Variants in TP53BP1 observed in about 807,000 individuals in gnomAD.
TP53BP1 encodes the protein TP53-binding protein 1.
TP53BP1 carries 61 observed loss-of-function variants against 200.8 expected under a neutral mutation model. The ratio of observed to expected loss-of-function variants is 0.30; its 90% CI spans 0.25 to 0.38. The LOEUF is 0.38. Ranked by LOEUF, TP53BP1 falls within the 10% of genes least tolerant of loss-of-function variation. TP53BP1 has a pLI of 1.00. For missense variants in TP53BP1, 2,144 were observed against 2,371.9 expected (o/e 0.90, Z 2.00); for synonymous variants, 822 against 844.3 (o/e 0.97, Z 0.46).
intron 4 of TP53BP1, among the ~76,000 whole-genome samples, chr15:43,490,598 C>T (rs1006711399): frequency 6.6e-6 from 1 of 152,182 alleles, no homozygotes; most frequent in East Asian, 1.9e-4. Context: ...CTAACCACCT[C>T]CCCTTTCTAC....
In TP53BP1 at chr15:43,415,066, A is replaced by G. The variant is rs533546991; in HGVS notation, c.5089+528T>C. On this transcript the variant is annotated intron_variant, in intron 23 of 27. Transcript: ENST00000382044. ...GCCTAAGCACAAGAGAGAGGGGAGC[A>G]GAATTTCCAGGAAGAAGATGGTGCA... Among the ~76,000 whole-genome samples the G allele has an allele frequency of 6.0e-4, 92 of 152,294 alleles. 1 individual carries two copies. Among genetic ancestry groups the G allele is most frequent in the Non-Finnish European group, 9.1e-4 (62 of 68,014 alleles).
chr15:43,451,657 G>GT (rs1282235222), intron 12 of TP53BP1, among the ~76,000 whole-genome samples: 1 of 152,168 alleles, frequency 6.6e-6, no homozygotes, highest in African/African-American at 2.4e-5. Flanking sequence ...GTCTGCATGT[G>GT]TTTTTATAGC....
At chr15:43,509,841 C>T (rs548783704) in intron 1 of TP53BP1, among the ~76,000 whole-genome samples, 1 of 151,530 alleles carries the variant, frequency 6.6e-6, no homozygotes, top group Non-Finnish European at 1.5e-5. Context: ...CAAAAAAAAA[C>T]CCAAAAACCC....
rs773592523 is a variant in TP53BP1 at position 43,427,966 on chromosome 15, A to G, written c.3828+50T>C. The stretch of plus-strand genomic sequence containing the variant: ...AGTAAGACCCTGTCTCCAAAAAAAA[A>G]AAAAAAAGAAAGAAAGAAATTTGCC... On this transcript the variant is annotated intron_variant, in intron 18 of 27. Coordinates refer to ENST00000382044, the MANE Select transcript of TP53BP1 (RefSeq NM_001141980.3). 4 of 1,400,432 alleles carry G rather than the reference A, an allele frequency of 2.9e-6. No homozygotes were observed. The South Asian group carries it at 4.3e-5, about 15-fold the overall frequency. The allele number at this position is 1,400,432 out of a possible 1,614,324, so 86.8% of individuals were successfully genotyped here.
At chr15:43,477,827 C>G in intron 7 of TP53BP1, 68 bp from the exon 8 acceptor site, 1 of 1,273,562 alleles carries the variant, frequency 7.9e-7, no homozygotes, top group Non-Finnish European at 1.1e-6. Flanking sequence ...AAAGCTTTTC[C>G]TGTTTTGTGT....
At position 43,407,271 on chromosome 15, in the gene TP53BP1, CTATA is replaced by C; in HGVS notation, c.*108_*111del. The C allele has an allele frequency of 1.2e-6, 1 of 869,252 alleles. No individual in the cohort carries two copies. The highest frequency in any genetic ancestry group is 1.7e-5 in the African/African-American group (1 of 59,074). 53.8% of individuals were successfully genotyped at this position (869,252 alleles called of 1,614,324 possible). On this transcript the variant is annotated 3_prime_UTR_variant, in exon 28 of 28. Transcript: ENST00000382044. ...TATCATAAAAGTTCAGCAAATAAAA[CTATA>C]TACAAGATCCATGCAAGGAATCCAG...
At chr15:43,408,275 C>G in intron 26 of TP53BP1, 187 bp from the exon 27 acceptor site, 1 of 575,148 alleles carries the variant, frequency 1.7e-6, no homozygotes, top group Non-Finnish European at 3.0e-6. Context: ...CCTGGGAGTT[C>G]GAGACCAGCC....
At chr15:43,493,272 A>G, upstream of TP53BP1, 2 of 1,382,216 alleles carry the variant, frequency 1.4e-6, no homozygotes, top group Non-Finnish European at 9.5e-7. Flanking sequence ...CCCACGTAAG[A>G]AAAAGGAACA....
chr15:43,508,635 A>C (rs2079251558), intron 1 of TP53BP1, among the ~76,000 whole-genome samples: 1 of 152,180 alleles, frequency 6.6e-6, no homozygotes, highest in African/African-American at 2.4e-5. Context: ...CTGTCTCTAA[A>C]TATATATACG....
In TP53BP1 at chr15:43,420,719, C is replaced by A. The variant is rs777106345; in HGVS notation, c.4267G>T (p.Gly1423Cys). The change falls in exon 21 of 28, where the codon GGC becomes TGC. Residue 1423 changes from glycine (G) to cysteine (C), a missense_variant. This residue lies in a region of TP53BP1 where 1,700 missense variants were observed against 1,710.3 expected (regional missense o/e 0.99). Coordinates refer to ENST00000382044, the MANE Select transcript of TP53BP1 (RefSeq NM_001141980.3). ...TTGTRETAVP[G>C]PLGIEDISPN... ...GAAATGTCCTCTATGCCCAAGGGGCCAGGCACAGCTGTTTCTCTAAAGAGA... is the reference window on the plus strand; with the variant it reads ...GAAATGTCCTCTATGCCCAAGGGGCAAGGCACAGCTGTTTCTCTAAAGAGA... 1.2e-6 allele frequency: 2 copies of A among 1,613,494 alleles called. No homozygotes were observed. Among genetic ancestry groups the A allele is most frequent in the Non-Finnish European group, 8.5e-7 (1 of 1,179,664 alleles).
Position 43,403,583 on chromosome 15 carries a change from A to G in TP53BP1, c.*3800T>C, listed in dbSNP as rs2044749611. 1.1e-6 allele frequency: 1 copy of G among 881,640 alleles called. No homozygotes were observed. Among genetic ancestry groups the G allele is most frequent in the Non-Finnish European group, 1.8e-6 (1 of 551,680 alleles). The allele number at this position is 881,640 out of a possible 1,614,324, so 54.6% of individuals were successfully genotyped here. A position where few individuals can be genotyped will look rare whatever the true frequency, so the allele number is the denominator to read the frequency against. ...TCCTGTCAGATTTGGGAGGTCAGCT[A>G]TTAATTAGATCAGCTATTAATCAGA... On this transcript the variant is annotated 3_prime_UTR_variant, in exon 28 of 28. Transcript: ENST00000382044.
At chr15:43,435,843 G>T (rs1280973896) in intron 16 of TP53BP1, among the ~76,000 whole-genome samples, 1 of 151,932 alleles carries the variant, frequency 6.6e-6, no homozygotes, top group Non-Finnish European at 1.5e-5. Context: ...CTACAAGCGT[G>T]GACGACCCTG....
intron 14 of TP53BP1, among the ~76,000 whole-genome samples, chr15:43,443,537 C>T (rs947813689): frequency 1.3e-5 from 2 of 151,898 alleles, no homozygotes; most frequent in African/African-American, 2.4e-5. Flanking sequence ...ATAATAAATA[C>T]AAAAATTAAC....
intron 10 of TP53BP1, among the ~76,000 whole-genome samples, chr15:43,471,775 A>G (rs2046731647): frequency 6.6e-6 from 1 of 152,140 alleles, no homozygotes; most frequent in Non-Finnish European, 1.5e-5. Flanking sequence ...TTCAATGTTC[A>G]CACTACAGAT....
rs748187069 is a variant in TP53BP1 at position 43,416,271 on chromosome 15, G to C, written c.4827C>G (p.Pro1609=). Residue 1609 remains proline (P), a synonymous_variant, in exon 22 of 28, where the codon CCC becomes CCG. Transcript: ENST00000382044. The stretch of plus-strand genomic sequence containing the variant: ...TTGTAAGAGGTGTTACTGCTTCATA[G>C]GGGCCAAGCCCATACTGCTCTCTCA... The part of the protein sequence containing the change: ...NRLREQYGLG[P]YEAVTPLTKA... 1.9e-6 allele frequency: 3 copies of C among 1,614,150 alleles called. No homozygotes were observed. The highest frequency in any genetic ancestry group is 2.5e-6 in the Non-Finnish European group (3 of 1,180,012).
upstream of TP53BP1, among the ~76,000 whole-genome samples, chr15:43,494,280 C>T (rs1293894157): frequency 6.6e-6 from 1 of 152,204 alleles, no homozygotes; most frequent in Non-Finnish European, 1.5e-5. Flanking sequence ...CATGATTCTC[C>T]ATTTCTGTAA....
rs1195856009 is a variant in TP53BP1, at chr15:43,456,007, T to C, written c.2601A>G (p.Ser867=). ...TAGCCATTTTTGAGTCTTCTGTTAA[T>C]GAATTACTTGTTTTCTCCTGAGTTT... ...QPQTQEKTSN[S]LTEDSKMANA... Residue 867 remains serine, a synonymous_variant, in exon 12 of 28, where the codon TCA becomes TCG. Transcript: ENST00000382044. The C allele has an allele frequency of 6.2e-7, 1 of 1,614,134 alleles. No individual in the cohort carries two copies. Among genetic ancestry groups the C allele is most frequent in the Non-Finnish European group, 8.5e-7 (1 of 1,180,026 alleles).
In TP53BP1 at chr15:43,420,675, A is replaced by T; in HGVS notation, c.4311T>A (p.Asp1437Glu). Residue 1437 changes from aspartate to glutamate, a missense_variant, in exon 21 of 28, where the codon GAT (aspartate) becomes GAA (glutamate). Coordinates refer to ENST00000382044, the MANE Select transcript of TP53BP1 (RefSeq NM_001141980.3). ...IEDISPNLSP[D>E]DKSFSRVVPR... ...GCACGACACGGCTGAAGGATTTATC[A>T]TCTGGTGACAAGTTAGGTGAAATGT... 1 of 1,614,230 alleles carries T rather than the reference A, an allele frequency of 6.2e-7. No individual in the cohort carries two copies. The highest frequency in any genetic ancestry group is 8.5e-7 in the Non-Finnish European group (1 of 1,180,044).
intron 1 of TP53BP1, among the ~76,000 whole-genome samples, chr15:43,501,429 G>C (rs2079208956): frequency 1.3e-5 from 2 of 152,036 alleles, no homozygotes; most frequent in Admixed American, 1.3e-4. Context: ...GCTCAGGTGG[G>C]TCTTGAACTC....
Sources: gnomAD v4.1 joint callset for allele counts (sites outside exome capture counted in the v4.1 genomes callset) on GRCh38, gnomAD v4.1.1 for gene constraint, gnomAD v4.1.1 regional missense constraint, MANE v1.5 for transcripts, NCBI Gene and HGNC (gene_info 2026-07-23, HGNC 2026-07-21) for gene names.